Variants in CCDC38 observed in about 807,000 individuals in gnomAD.
CCDC38 encodes coiled-coil domain containing 38, also known as coiled-coil domain-containing protein 38.
CCDC38 carries 69 observed loss-of-function variants against 72.8 expected under a neutral mutation model. That is an observed-to-expected ratio of 0.95 (90% confidence interval 0.78 to 1.16). CCDC38 has a LOEUF of 1.16. Among genes scored for constraint, CCDC38 ranks in the 50% most tolerant of loss-of-function variants. CCDC38 has a pLI of 0.00. For synonymous variants in CCDC38, 201 were observed against 213.2 expected, an observed-to-expected ratio of 0.94 and a Z score of 0.50; for missense variants, 626 against 638.9, an observed-to-expected ratio of 0.98 and a Z score of 0.22.
intron 2 of CCDC38, among the ~76,000 whole-genome samples, chr12:95,928,445 C>T (rs1166784423): frequency 4.6e-5 from 7 of 152,120 alleles, no homozygotes; most frequent in Middle Eastern, 3.2e-3. Flanking sequence ...TTCTTCTAAA[C>T]TTTTTTCAAA....
chr12:95,906,450 AC>A lies in CCDC38; in HGVS notation c.305del (p.Gly102ValfsTer39), dbSNP rs756999792. 1.9e-4 allele frequency: 306 copies of A among 1,610,392 alleles called. No homozygotes were observed. The highest frequency in any genetic ancestry group is 2.4e-4 in the Non-Finnish European group (285 of 1,177,370). On this transcript the variant is annotated frameshift_variant and splice_region_variant, in exon 5 of 16. Coordinates refer to ENST00000344280, the MANE Select transcript of CCDC38 (RefSeq NM_182496.3). LOFTEE classifies it high-confidence loss of function. Reference sequence around the variant, plus strand: ...CATGGACAGTCCTTTTTGTGTCGGAACCTGTGAAGAAAGTTGAAATAGACTT... The same window carrying A: ...CATGGACAGTCCTTTTTGTGTCGGAACTGTGAAGAAAGTTGAAATAGACTT... ...GPAPIPRLIEGSDTKRTVHEF... is the reference protein window; with the variant it reads ...GPAPIPRLIEXSDTKRTVHEF...
intron 2 of CCDC38, among the ~76,000 whole-genome samples, chr12:95,929,285 G>A (rs1440998707): frequency 6.6e-6 from 1 of 152,198 alleles, no homozygotes; most frequent in East Asian, 1.9e-4. Context: ...GTATTCGGGT[G>A]GGAGTGACCC....
chr12:95,929,067 C>G (rs1185989040), intron 2 of CCDC38, among the ~76,000 whole-genome samples: 1 of 152,160 alleles, frequency 6.6e-6, no homozygotes, highest in East Asian at 1.9e-4. Flanking sequence ...TGGGCTCCAC[C>G]CAGTTCGAGC....
At chr12:95,897,632 AAT>A (rs1323914020) in intron 7 of CCDC38, among the ~76,000 whole-genome samples, 16 of 150,702 alleles carry the variant, frequency 1.1e-4, no homozygotes, top group African/African-American at 3.9e-4. Flanking sequence ...AAAAAAAAAA[AAT>A]TAGTTCAAGT....
chr12:95,936,420 G>A, intron 2 of CCDC38, 53 bp downstream of exon 2: 1 of 1,528,310 alleles, frequency 6.5e-7, no homozygotes, highest in Non-Finnish European at 9.0e-7. Flanking sequence ...ATCTGTTATG[G>A]AGCCTAACAC....
chr12:95,901,324 A>G (rs952632081), intron 5 of CCDC38, among the ~76,000 whole-genome samples: 3 of 152,204 alleles, frequency 2.0e-5, no homozygotes, highest in African/African-American at 7.2e-5. Flanking sequence ...TTGCAGGGGT[A>G]GGAAAGAGTA....
chr12:95,873,539 G>A (rs1057125534), intron 13 of CCDC38, among the ~76,000 whole-genome samples: 2 of 152,152 alleles, frequency 1.3e-5, no homozygotes, highest in African/African-American at 4.8e-5. Context: ...TCTTGAGGTG[G>A]TAGGTAACTT....
intron 2 of CCDC38, among the ~76,000 whole-genome samples, chr12:95,923,866 A>G: frequency 9.6e-6 from 1 of 104,254 alleles, no homozygotes; most frequent in African/African-American, 4.0e-5. Flanking sequence ...TACAAAGGAC[A>G]TGAACTCATC....
Position 95,876,751 on chromosome 12 carries a change from TGTGGGTAGGGGAG to T in CCDC38, c.1278+1447_1278+1459del, listed in dbSNP as rs554689600. On this transcript the variant is annotated intron_variant, in intron 13 of 15. Transcript: ENST00000344280. ...TGTGCTTTTTGTAACCCTGTTCACC[TGTGGGTAGGGGAG>T]GACAGTCTTCTTCTGATGCAGTTCT... Among the ~76,000 whole-genome samples the T allele has an allele frequency of 1.2e-4, 19 of 152,292 alleles. No individual in the cohort carries two copies. The South Asian group carries it at 3.7e-3, about 30-fold the overall frequency.
chr12:95,868,121 A>G (rs927699461), intron 15 of CCDC38, among the ~76,000 whole-genome samples: 5 of 152,182 alleles, frequency 3.3e-5, no homozygotes, highest in Middle Eastern at 3.2e-3. Flanking sequence ...AAAATTAGCA[A>G]TGATGAAGTG....
At chr12:95,925,784 A>C (rs961391754) in intron 2 of CCDC38, among the ~76,000 whole-genome samples, 5 of 151,734 alleles carry the variant, frequency 3.3e-5, no homozygotes, top group African/African-American at 1.2e-4. Flanking sequence ...TCTTTTCTGC[A>C]TCTATTGAGA....
intron 4 of CCDC38, among the ~76,000 whole-genome samples, chr12:95,907,851 G>A (rs1172190865): frequency 6.6e-6 from 1 of 150,726 alleles, no homozygotes; most frequent in Non-Finnish European, 1.5e-5. Flanking sequence ...TGGGTGGCCG[G>A]GCAGAGACGC....
At chr12:95,889,564 A>G (rs550412164) in intron 9 of CCDC38, among the ~76,000 whole-genome samples, 32 of 152,298 alleles carry the variant, frequency 2.1e-4, no homozygotes, top group African/African-American at 7.0e-4. Flanking sequence ...AGCTGGCCAG[A>G]TGCACAAGGC....
At chr12:95,867,708 T>C (rs771654299) in intron 15 of CCDC38, among the ~76,000 whole-genome samples, 3 of 152,218 alleles carry the variant, frequency 2.0e-5, no homozygotes, top group Non-Finnish European at 4.4e-5. Context: ...CCCGAGTTCA[T>C]ACCTATTCAT....
intron 2 of CCDC38, among the ~76,000 whole-genome samples, chr12:95,928,181 A>G (rs1391838798): frequency 1.3e-5 from 2 of 152,000 alleles, no homozygotes; most frequent in Non-Finnish European, 2.9e-5. Flanking sequence ...TACACCAATC[A>G]GACGTAGATT....
intron 13 of CCDC38, 36 bp downstream of exon 13, chr12:95,878,175 C>T (rs2079655604): frequency 6.2e-7 from 1 of 1,607,628 alleles, no homozygotes. Flanking sequence ...TAATCATGAG[C>T]CAAAATGAAA....
intron 2 of CCDC38, among the ~76,000 whole-genome samples, chr12:95,930,983 G>T (rs2080331758): frequency 1.3e-5 from 2 of 152,092 alleles, no homozygotes; most frequent in African/African-American, 4.8e-5. Context: ...TAACAACCTT[G>T]AGAGAAGGCT....
chr12:95,928,184 C>T (rs923438005), intron 2 of CCDC38, among the ~76,000 whole-genome samples: 15 of 152,052 alleles, frequency 9.9e-5, no homozygotes, highest in South Asian at 4.2e-4. Context: ...ACCAATCAGA[C>T]GTAGATTTGG....
At chr12:95,918,630 C>CGTGTCCT (rs1469680225) in intron 3 of CCDC38, among the ~76,000 whole-genome samples, 1 of 152,210 alleles carries the variant, frequency 6.6e-6, no homozygotes, top group African/African-American at 2.4e-5. Flanking sequence ...GTGTACCATA[C>CGTGTCCT]GTGTCCTACT....
Sources: allele counts gnomAD v4.1 joint callset (sites outside exome capture counted in the v4.1 genomes callset), GRCh38; gene constraint gnomAD v4.1.1; transcripts MANE v1.5; gene names NCBI Gene and HGNC (gene_info 2026-07-23, HGNC 2026-07-21).